Variants in SSX7 observed in about 807,000 individuals in gnomAD.
SSX7 encodes protein SSX7.
SSX7 carries 15 observed loss-of-function variants against 14.7 expected under a neutral mutation model. The ratio of observed to expected loss-of-function variants is 1.02; its 90% confidence interval spans 0.68 to 1.58. The LOEUF is 1.58. Among genes scored for constraint, SSX7 ranks in the 40% most tolerant of loss-of-function variants. The pLI is 0.00. For missense variants in SSX7, 178 were observed against 146.8 expected (o/e 1.21, Z -1.10); for synonymous variants, 46 against 50.6 (o/e 0.91, Z 0.38).
At chrX:52,649,872 C>A (rs1212201886) in intron 5 of SSX7, among the ~76,000 whole-genome samples, 1 of 112,287 alleles carries the variant, frequency 8.9e-6, no homozygotes, top group African/African-American at 3.2e-5. Flanking sequence ...CTACCACTGC[C>A]ACTGTGCCCC....
At position 52,650,349 on chromosome X, in the gene SSX7, T is replaced by C. The variant is rs782105860; in HGVS notation, c.330+4A>G. On this transcript the variant is annotated splice_donor_region_variant and intron_variant, in intron 5 of 7. Coordinates refer to ENST00000298181, the MANE Select transcript of SSX7 (RefSeq NM_173358.2). ...CTGGTCCTTTAGATCTGAGAGACAC[T>C]CACCTTCGGGAAGATTCTCTGGAGC... 5.8e-6 allele frequency: 7 copies of C among 1,209,502 alleles called. No individual in the cohort carries two copies. Among genetic ancestry groups the C allele is most frequent in the Non-Finnish European group, 7.8e-6 (7 of 893,629 alleles).
chrX:52,649,773 T>C (rs782467752), intron 5 of SSX7, among the ~76,000 whole-genome samples: 2 of 112,662 alleles, frequency 1.8e-5, no homozygotes, highest in East Asian at 2.8e-4. Flanking sequence ...GCAGGCCCTA[T>C]GGGGTGAAGC....
At chrX:52,648,541 C>A in intron 5 of SSX7, 145 bp from the exon 6 acceptor site, 4 of 951,295 alleles carry the variant, frequency 4.2e-6, no homozygotes, top group Non-Finnish European at 5.8e-6. Flanking sequence ...TTAGGAGAAA[C>A]CTGGGAAGTT....
chrX:52,653,539 C>T, intron 1 of SSX7, 47 bp from the exon 2 acceptor site: 2 of 1,199,805 alleles, frequency 1.7e-6, no homozygotes, highest in Non-Finnish European at 2.3e-6. Flanking sequence ...CAGCTTTGGT[C>T]TTGTGGAGGG....
intron 1 of SSX7, among the ~76,000 whole-genome samples, chrX:52,653,716 G>A (rs782236080): frequency 9.0e-6 from 1 of 110,726 alleles, no homozygotes; most frequent in South Asian, 3.9e-4. Context: ...GGCTTCCTGT[G>A]GGCAAAGCAG....
intron 2 of SSX7, 169 bp downstream of exon 2, chrX:52,653,235 C>T (rs1925498745): frequency 8.0e-6 from 6 of 754,304 alleles, no homozygotes; most frequent in Non-Finnish European, 9.4e-6. Context: ...AGACTTGTCT[C>T]CAAGGATGCT....
Position 52,644,639 on chromosome X carries a change from T to G in SSX7, c.*36A>C. The G allele has an allele frequency of 8.4e-7, 1 of 1,196,290 alleles. No homozygotes were observed. The highest frequency in any genetic ancestry group is 1.1e-6 in the Non-Finnish European group (1 of 894,054). ...TCGTGAAAGGTCACCACGTTCTGCT[T>G]CTCATCATGGGCATATGTCGTATCC... On this transcript the variant is annotated 3_prime_UTR_variant, in exon 8 of 8. Transcript: ENST00000298181.
In SSX7 at chrX:52,644,575, A is replaced by G; in HGVS notation, c.*100T>C. On this transcript the variant is annotated 3_prime_UTR_variant, in exon 8 of 8. Coordinates refer to ENST00000298181, the MANE Select transcript of SSX7 (RefSeq NM_173358.2). ...TTGTGAACACTTGCTTTCACTTGCT[A>G]TGCACCTGATGACGAGGGGTCCGCA... 7 of 1,136,951 alleles carry G rather than the reference A, an allele frequency of 6.2e-6. No homozygotes were observed. The highest frequency in any genetic ancestry group is 8.3e-6 in the Non-Finnish European group (7 of 840,886). The allele number at this position is 1,136,951 out of a possible 1,213,427, so 93.7% of individuals were successfully genotyped here.
At chrX:52,651,107 CTA>C (rs1925411603) in intron 4 of SSX7, among the ~76,000 whole-genome samples, 1 of 111,929 alleles carries the variant, frequency 8.9e-6, no homozygotes, top group South Asian at 3.7e-4. Flanking sequence ...TTTTTTCACC[CTA>C]TGTTATCTCT....
chrX:52,652,822 G>A (rs782694935), intron 3 of SSX7, 48 bp downstream of exon 3: 2 of 1,064,967 alleles, frequency 1.9e-6, no homozygotes, highest in African/African-American at 3.7e-5. Flanking sequence ...CAGGAATAGG[G>A]ATGCTCATGT....
intron 4 of SSX7, among the ~76,000 whole-genome samples, chrX:52,651,841 C>G (rs1292848372): frequency 9.0e-6 from 1 of 111,217 alleles, no homozygotes; most frequent in Admixed American, 9.6e-5. Context: ...CCTTATTGCA[C>G]TCTACCCTGG....
At position 52,653,466 on chromosome X, in the gene SSX7, C is replaced by T. The variant is rs139777180; in HGVS notation, c.7G>A (p.Gly3Arg). Residue 3 changes from glycine to arginine, a missense_variant, in exon 2 of 8, where the codon GGA becomes AGA. By Grantham distance (125) the Gly-to-Arg change is moderately radical. Coordinates refer to ENST00000298181, the MANE Select transcript of SSX7 (RefSeq NM_173358.2). MN[G>R]DDAFARRPRA... ...GGTCTCCTTGCAAAGGCGTCGTCTC[C>T]GTTCATGGCACCAGGAGCAGTCTGA... is the stretch of plus-strand genomic sequence containing the variant. 1.0e-4 allele frequency: 122 copies of T among 1,209,437 alleles called. No homozygotes were observed. Among genetic ancestry groups the T allele is most frequent in the Middle Eastern group, 2.3e-4 (1 of 4,376 alleles).
chrX:52,654,181 C>A (rs1244983613), intron 1 of SSX7, among the ~76,000 whole-genome samples: 1 of 109,161 alleles, frequency 9.2e-6, no homozygotes, highest in Non-Finnish European at 1.9e-5. Flanking sequence ...GAGGGCGGAT[C>A]GCTTGAGCCC....
chrX:52,644,602 C>G lies in SSX7; in HGVS notation c.*73G>C. 1 of 1,192,871 alleles carries G rather than the reference C, an allele frequency of 8.4e-7. No individual in the cohort carries two copies. Among genetic ancestry groups the G allele is most frequent in the Non-Finnish European group, 1.1e-6 (1 of 890,742 alleles). ...GCACCTGATGACGAGGGGTCCGCAG[C>G]CATGCCCATGTTCGTGAAAGGTCAC... On this transcript the variant is annotated 3_prime_UTR_variant, in exon 8 of 8. Transcript: ENST00000298181.
At chrX:52,644,875 T>C (rs1175125775) in intron 7 of SSX7, among the ~76,000 whole-genome samples, 3 of 111,111 alleles carry the variant, frequency 2.7e-5, no homozygotes, top group African/African-American at 9.8e-5. Context: ...ATTCCTAGGC[T>C]AGAGGAAGGT....
In SSX7 at chrX:52,644,574, T is replaced by C; in HGVS notation, c.*101A>G. The C allele has an allele frequency of 8.8e-7, 1 of 1,139,696 alleles. No homozygotes were observed. The highest frequency in any genetic ancestry group is 1.8e-5 in the South Asian group (1 of 55,160). The allele number at this position is 1,139,696 out of a possible 1,213,427, so 93.9% of individuals were successfully genotyped here. A position where few individuals can be genotyped will look rare whatever the true frequency, so the allele number is the denominator to read the frequency against. ...GTTGTGAACACTTGCTTTCACTTGC[T>C]ATGCACCTGATGACGAGGGGTCCGC... On this transcript the variant is annotated 3_prime_UTR_variant, in exon 8 of 8. Transcript: ENST00000298181.
rs782261388 is a variant in SSX7 at position 52,652,917 on chromosome X, A to G, written c.137T>C (p.Ile46Thr). ...CTTTCTCTTCATATACACATAGCTGATTTTCTCCAAGGATTTCATCTTTTC... is the reference window on the plus strand; with the variant it reads ...CTTTCTCTTCATATACACATAGCTGGTTTTCTCCAAGGATTTCATCTTTTC... ...EWEKMKSLEK[I>T]SYVYMKRKYE... is the part of the protein sequence containing the mutation. The change falls in exon 3 of 8, where the codon ATC becomes ACC. Residue 46 changes from isoleucine (I) to threonine (T), a missense_variant. Physicochemically the swap from Ile to Thr is moderately conservative, Grantham distance 89. Transcript: ENST00000298181. The G allele has an allele frequency of 1.0e-4, 125 of 1,202,504 alleles. No homozygotes were observed. In the South Asian group the frequency reaches 2.0e-3, roughly 19 times the overall value.
chrX:52,651,326 C>A (rs1440683095), intron 4 of SSX7, among the ~76,000 whole-genome samples: 5 of 112,256 alleles, frequency 4.5e-5, no homozygotes, highest in Non-Finnish European at 9.4e-5. Flanking sequence ...TACCTACATG[C>A]TGTTAATGAG....
intron 5 of SSX7, 119 bp from the exon 6 acceptor site, chrX:52,648,515 G>A (rs1189925175): frequency 9.5e-7 from 1 of 1,047,293 alleles, no homozygotes; most frequent in Non-Finnish European, 1.3e-6. Flanking sequence ...TGCTGGGAGA[G>A]TTACACATGC....
Sources: gnomAD v4.1 joint callset for allele counts (sites outside exome capture counted in the v4.1 genomes callset) on GRCh38, gnomAD v4.1.1 for gene constraint, MANE v1.5 for transcripts, NCBI Gene and HGNC (gene_info 2026-07-23, HGNC 2026-07-21) for gene names.